Variants in EPB41L3 observed in about 807,000 individuals in gnomAD.
The protein encoded by EPB41L3 is band 4.1-like protein 3.
EPB41L3 carries 57 observed loss-of-function variants against 127.1 expected under a neutral mutation model. The observed-to-expected ratio is 0.45, with a 90% CI of 0.36 to 0.56. The LOEUF is 0.56. Ranked by LOEUF, EPB41L3 falls within the 20% of genes least tolerant of loss-of-function variation. The pLI, the probability that EPB41L3 is intolerant of heterozygous loss-of-function variation, is 0.00. For missense variants in EPB41L3, 1,273 were observed against 1,372.2 expected (o/e 0.93, Z 1.14); for synonymous variants, 572 against 549.5 (o/e 1.04, Z -0.57).
At chr18:5,590,237 C>G (rs936031897) in intron 3 of EPB41L3, among the ~76,000 whole-genome samples, 2 of 152,082 alleles carry the variant, frequency 1.3e-5, no homozygotes, top group African/African-American at 2.4e-5. Flanking sequence ...CAGAGGTTCC[C>G]AAGGAGAGCA....
At chr18:5,618,175 G>T (rs1399021290) in intron 1 of EPB41L3, among the ~76,000 whole-genome samples, 2 of 152,146 alleles carry the variant, frequency 1.3e-5, no homozygotes, top group African/African-American at 4.8e-5. Context: ...AATGGGGAAG[G>T]CCTATATTCA....
At chr18:5,596,608 G>A (rs1395228601) in intron 3 of EPB41L3, among the ~76,000 whole-genome samples, 1 of 152,172 alleles carries the variant, frequency 6.6e-6, no homozygotes, top group Non-Finnish European at 1.5e-5. Flanking sequence ...TGATATTGCT[G>A]AGGTTATAAA....
At chr18:5,408,273 CTT>C (rs1208956534) in intron 14 of EPB41L3, among the ~76,000 whole-genome samples, 6 of 50,480 alleles carry the variant, frequency 1.2e-4, no homozygotes, top group Admixed American at 2.4e-4. Context: ...TTTCTTTTTT[CTT>C]TTTTTTTTTT....
chr18:5,473,549 C>T (rs191287681), intron 3 of EPB41L3, among the ~76,000 whole-genome samples: 1 of 151,118 alleles, frequency 6.6e-6, no homozygotes, highest in Admixed American at 6.6e-5. Flanking sequence ...AAGCAAAGTC[C>T]TAATTCGATA....
chr18:5,616,567 A>G (rs1041262440), intron 1 of EPB41L3, among the ~76,000 whole-genome samples: 2 of 152,202 alleles, frequency 1.3e-5, no homozygotes, highest in Non-Finnish European at 2.9e-5. Context: ...CTTAAAATAC[A>G]TATACATATG....
Position 5,420,520 on chromosome 18 carries a change from T to C in EPB41L3, c.1340-643A>G, listed in dbSNP as rs561077687. On this transcript the variant is annotated intron_variant, in intron 11 of 22. Transcript: ENST00000341928. ...CCATTCACCTAAAGTACAGAAATGT[T>C]TTCATTTCTACTGCATTTTAAACAG... Among the ~76,000 whole-genome samples, 7 of 152,300 alleles carry C rather than the reference T, an allele frequency of 4.6e-5. No homozygotes were observed. The South Asian group carries it at 1.5e-3, about 32-fold the overall frequency.
At chr18:5,586,961 T>G (rs1378484024) in intron 3 of EPB41L3, among the ~76,000 whole-genome samples, 2 of 152,126 alleles carry the variant, frequency 1.3e-5, no homozygotes, top group African/African-American at 4.8e-5. Context: ...TACCTGTGCA[T>G]GAATAAGCAG....
chr18:5,449,001 T>G (rs1382877862), intron 3 of EPB41L3, among the ~76,000 whole-genome samples: 1 of 152,186 alleles, frequency 6.6e-6, no homozygotes. Context: ...CTTGAAATTG[T>G]TAGGTGTTAG....
At chr18:5,405,797 CAAAA>C (rs1029022595) in intron 16 of EPB41L3, among the ~76,000 whole-genome samples, 1 of 112,910 alleles carries the variant, frequency 8.9e-6, no homozygotes, top group African/African-American at 3.4e-5. Flanking sequence ...AACAAACAAA[CAAAA>C]ACAAAAAAAA....
At chr18:5,589,723 G>A (rs747234729) in intron 3 of EPB41L3, among the ~76,000 whole-genome samples, 1 of 152,014 alleles carries the variant, frequency 6.6e-6, no homozygotes, top group Non-Finnish European at 1.5e-5. Flanking sequence ...AAAAAGTTAC[G>A]CCAGTCCTCA....
intron 1 of EPB41L3, among the ~76,000 whole-genome samples, chr18:5,530,807 C>T (rs1296104991): frequency 1.3e-5 from 2 of 152,166 alleles, no homozygotes; most frequent in East Asian, 1.9e-4. Context: ...CCTTTCATGC[C>T]CCAATTCCCC....
intron 14 of EPB41L3, among the ~76,000 whole-genome samples, chr18:5,408,224 G>A (rs1032466868): frequency 1.3e-5 from 2 of 150,860 alleles, no homozygotes; most frequent in Non-Finnish European, 3.0e-5. Context: ...TTACACAGAG[G>A]TTCCCACATT....
intron 1 of EPB41L3, among the ~76,000 whole-genome samples, chr18:5,514,669 G>A (rs183232565): frequency 4.0e-4 from 61 of 152,158 alleles, no homozygotes; most frequent in Admixed American, 9.2e-4. Flanking sequence ...TATGAAAAAT[G>A]CTAAGTCTCA....
At chr18:5,504,292 A>AT (rs1227938513) in intron 1 of EPB41L3, among the ~76,000 whole-genome samples, 1 of 151,742 alleles carries the variant, frequency 6.6e-6, no homozygotes, top group Non-Finnish European at 1.5e-5. Flanking sequence ...TTTTTTTTTA[A>AT]TTTTTTCCCC....
chr18:5,623,745 T>C (rs1378519598), intron 1 of EPB41L3, among the ~76,000 whole-genome samples: 1 of 151,738 alleles, frequency 6.6e-6, no homozygotes, highest in African/African-American at 2.4e-5. Flanking sequence ...CCTCCCAAGT[T>C]CAAGTGATTC....
Position 5,396,221 on chromosome 18 carries a change from T to C in EPB41L3, c.2953A>G (p.Ile985Val), listed in dbSNP as rs1347290153. 6.2e-7 allele frequency: 1 copy of C among 1,614,076 alleles called. No homozygotes were observed. The highest frequency in any genetic ancestry group is 1.3e-5 in the African/African-American group (1 of 74,930). ...VPVVHTETKT[I>V]TYESSQVDPG... ...CTCACCTGTGATGATTCATATGTGATGGTTTTGGTTTCGGTGTGAACTACT... is the reference window on the plus strand; with the variant it reads ...CTCACCTGTGATGATTCATATGTGACGGTTTTGGTTTCGGTGTGAACTACT... The change falls in exon 19 of 23, where the codon ATC (isoleucine) becomes GTC (valine). Residue 985 changes from isoleucine to valine, a missense_variant. Transcript: ENST00000341928.
chr18:5,466,528 T>C (rs1887313027), intron 3 of EPB41L3, among the ~76,000 whole-genome samples: 1 of 152,178 alleles, frequency 6.6e-6, no homozygotes, highest in African/African-American at 2.4e-5. Context: ...CCACATTTTG[T>C]TGGAAATCAT....
At chr18:5,629,789 G>A (rs1026986273), upstream of EPB41L3, among the ~76,000 whole-genome samples, 31 of 152,316 alleles carry the variant, frequency 2.0e-4, no homozygotes, top group Middle Eastern at 3.4e-3. Context: ...CAACTAGGCT[G>A]CCGGGACCGG....
intron 1 of EPB41L3, chr18:5,518,677 T>C (rs904622534): frequency 7.2e-5 from 11 of 152,196 alleles, no homozygotes; most frequent in Admixed American, 2.0e-4. Context: ...TTATACTATT[T>C]CTTAACAGTT....
Sources: allele counts gnomAD v4.1 joint callset (sites outside exome capture counted in the v4.1 genomes callset), GRCh38; gene constraint gnomAD v4.1.1; transcripts MANE v1.5; gene names NCBI Gene and HGNC (gene_info 2026-07-23, HGNC 2026-07-21).